The following GPR132 variants were observed in gnomAD, a reference collection of about 807,000 sequenced individuals.
The protein encoded by GPR132 is G protein-coupled receptor 132.
GPR132 carries 4 observed loss-of-function variants against 1.9 expected under a neutral mutation model. The ratio of observed to expected loss-of-function variants is 2.13; its 90% CI spans 1.05 to 4.87. GPR132 has a LOEUF of 4.87. GPR132 is among the 30% of genes most tolerant of loss of function. The probability of loss-of-function intolerance (pLI) is 0.01; values close to 1 mark genes in which losing one functional copy is unlikely to be tolerated. For synonymous variants in GPR132, 233 were observed against 234.2 expected (o/e 0.99, Z 0.05); for missense variants, 404 against 512.5 (o/e 0.79, Z 2.04).
At chr14:105,057,511 C>CTT (rs11299805) in intron 1 of GPR132, 201 of 88,844 alleles carry the variant, frequency 2.3e-3, no homozygotes, top group South Asian at 0.012. Flanking sequence ...ACATACGATT[C>CTT]TTTTTTTTTT....
intron 1 of GPR132, among the ~76,000 whole-genome samples, chr14:105,061,314 C>T (rs1886936673): frequency 6.6e-6 from 1 of 152,352 alleles, no homozygotes; most frequent in Admixed American, 6.5e-5. Context: ...GGCCCACAGC[C>T]TCAGGCAGCC....
chr14:105,050,196 C>A lies in GPR132; in HGVS notation c.*798G>T, dbSNP rs993898722. 6.6e-6 allele frequency: 1 copy of A among 152,414 alleles called. No homozygotes were observed. The highest frequency in any genetic ancestry group is 6.5e-5 in the Admixed American group (1 of 15,280). The allele number at this position is 152,414 out of a possible 1,614,324, so 9.4% of individuals were successfully genotyped here. Reference sequence around the variant, plus strand: ...CAAGCAGGCCAACTGCTGCACTCCCCCCTCAGTAAGGGGCTAGGGGTGGGG... The same window carrying A: ...CAAGCAGGCCAACTGCTGCACTCCCACCTCAGTAAGGGGCTAGGGGTGGGG... On this transcript the variant is annotated 3_prime_UTR_variant, in exon 4 of 4. Coordinates refer to ENST00000329797, the MANE Select transcript of GPR132 (RefSeq NM_013345.4). This position sits in a 1 kb window ranked among gnomAD's most constrained non-coding sequence, Gnocchi z 4.0.
Position 105,064,825 on chromosome 14 carries a change from C to T in GPR132, c.-861+554G>A, listed in dbSNP as rs560458914. Among the ~76,000 whole-genome samples the T allele has an allele frequency of 5.9e-5, 9 of 152,280 alleles. No homozygotes were observed. The East Asian group carries it at 1.4e-3, about 23-fold the overall frequency. On this transcript the variant is annotated intron_variant, in intron 1 of 3. Transcript: ENST00000329797. ...CCCCGCCCCGCTGTGCCTGGTGCGC[C>T]GAACGCCACTCCAAAGGCCGGTGAC...
chr14:105,055,778 T>G lies in GPR132; in HGVS notation c.-358A>C. ...CCAAAAATATAAATATATATATATA[T>G]TCCACTGTGCCCTTCCATCTTGAGC... On this transcript the variant is annotated 5_prime_UTR_variant, in exon 3 of 4. Coordinates refer to ENST00000329797, the MANE Select transcript of GPR132 (RefSeq NM_013345.4). This position sits in a 1 kb window ranked among gnomAD's most constrained non-coding sequence, Gnocchi z 4.7. 3 of 262,164 alleles carry G rather than the reference T, an allele frequency of 1.1e-5. No individual in the cohort carries two copies. The highest frequency in any genetic ancestry group is 2.2e-5 in the Non-Finnish European group (3 of 137,410). 16.2% of individuals were successfully genotyped at this position (262,164 alleles called of 1,614,324 possible).
At chr14:105,064,031 G>T (rs1020120182) in intron 1 of GPR132, among the ~76,000 whole-genome samples, 1 of 151,782 alleles carries the variant, frequency 6.6e-6, no homozygotes, top group African/African-American at 2.4e-5. Flanking sequence ...TAGAGACAGG[G>T]TTTCACCATA....
intron 3 of GPR132, chr14:105,054,158 C>T (rs1886723335): frequency 7.8e-7 from 1 of 1,276,874 alleles, no homozygotes; most frequent in African/African-American, 1.5e-5. Flanking sequence ...CAGACCTGGC[C>T]TCAGCACCTG....
At chr14:105,061,242 C>T (rs909357462) in intron 1 of GPR132, among the ~76,000 whole-genome samples, 1 of 152,254 alleles carries the variant, frequency 6.6e-6, no homozygotes, top group African/African-American at 2.4e-5. Context: ...CGGGGGAGCC[C>T]TGCACCAGCC....
rs1886900336 is a variant in GPR132, at chr14:105,060,050, C to T, written c.-860-2770G>A. Reference sequence around the variant, plus strand: ...TACCCATTCTGCCACCACCCTGCCACTGGCTGGAGTAAGTATGCACTGCTC... The same window carrying T: ...TACCCATTCTGCCACCACCCTGCCATTGGCTGGAGTAAGTATGCACTGCTC... On this transcript the variant is annotated intron_variant, in intron 1 of 3. Transcript: ENST00000329797. This position sits in a 1 kb window ranked among gnomAD's most constrained non-coding sequence, Gnocchi z 6.3. 6.6e-6 allele frequency among the ~76,000 whole-genome samples: 1 copy of T among 152,372 alleles called. No individual in the cohort carries two copies. Among genetic ancestry groups the T allele is most frequent in the East Asian group, 1.9e-4 (1 of 5,180 alleles).
intron 3 of GPR132, among the ~76,000 whole-genome samples, chr14:105,053,148 T>A (rs932538136): frequency 2.8e-5 from 3 of 108,444 alleles, no homozygotes; most frequent in Non-Finnish European, 3.7e-5. Context: ...ACCTGTAGTC[T>A]TTTTTTTTTT....
At position 105,059,164 on chromosome 14, in the gene GPR132, G is replaced by GAGCCCCTACACAGCAA. The variant is rs1886876897; in HGVS notation, c.-860-1900_-860-1885dup. On this transcript the variant is annotated intron_variant, in intron 1 of 3. Transcript: ENST00000329797. This position sits in a 1 kb window ranked among gnomAD's most constrained non-coding sequence, Gnocchi z 4.2. ...GGCAGGGCCGGCCCGGCTGCGGGCA[G>GAGCCCCTACACAGCAA]AGCCCCTACACAGCAAGGCCCCTTT... Among the ~76,000 whole-genome samples the GAGCCCCTACACAGCAA allele has an allele frequency of 6.6e-6, 1 of 152,246 alleles. No individual in the cohort carries two copies.
Position 105,056,155 on chromosome 14 carries a change from T to C in GPR132, c.-735A>G. Reference sequence around the variant, plus strand: ...TCCGGGTGAGTGTCGTGTCCCTTGCTCACCTTCCTCCCTGGGCAGAGGGAG... The same window carrying C: ...TCCGGGTGAGTGTCGTGTCCCTTGCCCACCTTCCTCCCTGGGCAGAGGGAG... On this transcript the variant is annotated 5_prime_UTR_variant, in exon 3 of 4. Transcript: ENST00000329797. This position sits in a 1 kb window ranked among gnomAD's most constrained non-coding sequence, Gnocchi z 6.0. The C allele has an allele frequency of 7.1e-6, 7 of 986,328 alleles. No homozygotes were observed. The highest frequency in any genetic ancestry group is 8.4e-6 in the Non-Finnish European group (7 of 830,366). 61.1% of individuals were successfully genotyped at this position (986,328 alleles called of 1,614,324 possible).
Position 105,061,746 on chromosome 14 carries a change from G to C in GPR132, c.-861+3633C>G, listed in dbSNP as rs74090201. On this transcript the variant is annotated intron_variant, in intron 1 of 3. Coordinates refer to ENST00000329797, the MANE Select transcript of GPR132 (RefSeq NM_013345.4). The stretch of plus-strand genomic sequence containing the variant: ...AGGAAGCAGGCACCACCCTCCTGGG[G>C]GGGGGGAGTCCCTCCTGGGCTGTGC... Among the ~76,000 whole-genome samples, 672 of 152,248 alleles carry C rather than the reference G, an allele frequency of 4.4e-3. 9 individuals carry two copies. The highest frequency in any genetic ancestry group is 0.014 in the African/African-American group (597 of 41,554).
intron 1 of GPR132, among the ~76,000 whole-genome samples, chr14:105,058,762 C>T (rs1374628017): frequency 6.6e-6 from 1 of 152,252 alleles, no homozygotes; most frequent in East Asian, 1.9e-4. Context: ...TCAGGGCATG[C>T]AGGGGGGTGG....
At position 105,054,862 on chromosome 14, in the gene GPR132, A is replaced by G. The variant is rs192720320; in HGVS notation, c.34+525T>C. The stretch of plus-strand genomic sequence containing the variant: ...CGAGACCAGCCTGGCTAACCTGGTG[A>G]AAACTCGTCTCTACTAAAAATACAA... On this transcript the variant is annotated intron_variant, in intron 3 of 3. Coordinates refer to ENST00000329797, the MANE Select transcript of GPR132 (RefSeq NM_013345.4). 7.2e-3 allele frequency among the ~76,000 whole-genome samples: 1,083 copies of G among 151,322 alleles called. 11 individuals carry two copies. Among genetic ancestry groups the G allele is most frequent in the Middle Eastern group, 0.024 (7 of 294 alleles).
intron 3 of GPR132, among the ~76,000 whole-genome samples, chr14:105,054,663 T>G (rs1886740278): frequency 6.6e-6 from 1 of 150,614 alleles, no homozygotes; most frequent in African/African-American, 2.4e-5. Flanking sequence ...ACTCCTGACC[T>G]TGGGTGATCT....
In GPR132 at chr14:105,055,534, C is replaced by T; in HGVS notation, c.-114G>A. On this transcript the variant is annotated 5_prime_UTR_variant, in exon 3 of 4. Transcript: ENST00000329797. The surrounding 1 kb of genome is among the most constrained non-coding windows in gnomAD (Gnocchi z 4.7). ...CCGCATTTGCTCCCAGCCCCCAGGCCTCCATTCCACTTTGTCTCTGTGCGC... is the reference window on the plus strand; with the variant it reads ...CCGCATTTGCTCCCAGCCCCCAGGCTTCCATTCCACTTTGTCTCTGTGCGC... 2 of 749,184 alleles carry T rather than the reference C, an allele frequency of 2.7e-6. No individual in the cohort carries two copies. The highest frequency in any genetic ancestry group is 2.5e-5 in the East Asian group (1 of 40,658). 46.4% of individuals were successfully genotyped at this position (749,184 alleles called of 1,614,324 possible).
At position 105,051,584 on chromosome 14, in the gene GPR132, T is replaced by G. The variant is rs779098603; in HGVS notation, c.553A>C (p.Thr185Pro). 1 of 1,613,922 alleles carries G rather than the reference T, an allele frequency of 6.2e-7. No homozygotes were observed. Among genetic ancestry groups the G allele is most frequent in the South Asian group, 1.1e-5 (1 of 91,086 alleles). Reference sequence around the variant, plus strand: ...TCCATCTGCAGCATGTCAAAGCAGGTCTCCTTGTCTTCCGTCTGGAACACC... The same window carrying G: ...TCCATCTGCAGCATGTCAAAGCAGGGCTCCTTGTCTTCCGTCTGGAACACC... ...YPVFQTEDKE[T>P]CFDMLQMDSR... is the part of the protein sequence containing the mutation. The change falls in exon 4 of 4, where the codon ACC becomes CCC. Residue 185 changes from threonine (T) to proline (P), a missense_variant. Thr to Pro is a conservative substitution (Grantham distance 38). Coordinates refer to ENST00000329797, the MANE Select transcript of GPR132 (RefSeq NM_013345.4). The surrounding 1 kb of genome is among the most constrained non-coding windows in gnomAD (Gnocchi z 8.0).
intron 1 of GPR132, among the ~76,000 whole-genome samples, chr14:105,061,160 C>T (rs1654193041): frequency 3.9e-5 from 6 of 152,276 alleles, no homozygotes; most frequent in Admixed American, 3.3e-4. Context: ...GAGCCGGGTC[C>T]ACTGGGACGT....
rs934603644 is a variant in GPR132 at position 105,060,009 on chromosome 14, G to A, written c.-860-2729C>T. On this transcript the variant is annotated intron_variant, in intron 1 of 3. Coordinates refer to ENST00000329797, the MANE Select transcript of GPR132 (RefSeq NM_013345.4). This position sits in a 1 kb window ranked among gnomAD's most constrained non-coding sequence, Gnocchi z 6.3. ...CCCTTGGCGGTGGGTGGTGTGGGCC[G>A]GAGGGGTTCCTGGGCTACCCATTCT... Among the ~76,000 whole-genome samples the A allele has an allele frequency of 2.6e-5, 4 of 152,352 alleles. No individual in the cohort carries two copies. The highest frequency in any genetic ancestry group is 7.2e-5 in the African/African-American group (3 of 41,594).
Sources: allele counts gnomAD v4.1 joint callset (sites outside exome capture counted in the v4.1 genomes callset), GRCh38; gene constraint gnomAD v4.1.1; non-coding constraint Gnocchi (gnomAD v3.1); transcripts MANE v1.5; gene names NCBI Gene and HGNC (gene_info 2026-07-23, HGNC 2026-07-21).